SPMIP3: variants seen among roughly 807,000 people sequenced by gnomAD.
The protein encoded by SPMIP3 is protein SPMIP3.
chr1:244,353,337 G>A, the SPMIP3 span, among the ~76,000 whole-genome samples: 1 of 152,140 alleles, frequency 6.6e-6, no homozygotes, highest in Admixed American at 6.5e-5. Context: ...TTGAGCCCAG[G>A]AGTTTGAGAC....
At chr1:244,360,535 CACACACACACACACACACACACATGCAT>C in the SPMIP3 span, among the ~76,000 whole-genome samples, 17 of 63,026 alleles carry the variant, frequency 2.7e-4, no homozygotes, top group African/African-American at 7.9e-4. Context: ...CACACACACA[CACACACACACACACACACACACATGCAT>C]GCATGGAATA....
chr1:244,359,728 A>T, the SPMIP3 span, among the ~76,000 whole-genome samples: 2 of 151,962 alleles, frequency 1.3e-5, no homozygotes, highest in South Asian at 2.1e-4. Context: ...CACCTCAAAA[A>T]AATTAATTAA....
At chr1:244,368,081 C>T in the SPMIP3 span, among the ~76,000 whole-genome samples, 1 of 152,110 alleles carries the variant, frequency 6.6e-6, no homozygotes, top group Non-Finnish European at 1.5e-5. Context: ...ATGCCTCAGC[C>T]TCTCGAGTGC....
chr1:244,384,347 GCA>G, the SPMIP3 span, among the ~76,000 whole-genome samples: 2 of 152,072 alleles, frequency 1.3e-5, no homozygotes, highest in African/African-American at 4.8e-5. Flanking sequence ...GGGACTACAG[GCA>G]TGAGCCACCA....
At chr1:244,367,439 A>G in the SPMIP3 span, among the ~76,000 whole-genome samples, 1 of 152,096 alleles carries the variant, frequency 6.6e-6, no homozygotes, top group South Asian at 2.1e-4. Context: ...GTCCCATGGG[A>G]GATCCAGCCT....
At chr1:244,353,162 A>C in the SPMIP3 span, among the ~76,000 whole-genome samples, 5 of 152,220 alleles carry the variant, frequency 3.3e-5, no homozygotes, top group South Asian at 2.1e-4. Context: ...GGAGAAGGAC[A>C]AAGAGAGTGA....
chr1:244,376,226 C>T, the SPMIP3 span, among the ~76,000 whole-genome samples: 1 of 152,050 alleles, frequency 6.6e-6, no homozygotes, highest in Non-Finnish European at 1.5e-5. Flanking sequence ...TTTTTCTGAA[C>T]GTCAGGCACA....
chr1:244,364,223 G>A, the SPMIP3 span, among the ~76,000 whole-genome samples: 1 of 151,944 alleles, frequency 6.6e-6, no homozygotes, highest in South Asian at 2.1e-4. Context: ...TCCTGGCTCA[G>A]CCTCCCAAAC....
chr1:244,381,865 A>G, the SPMIP3 span, among the ~76,000 whole-genome samples: 1 of 152,326 alleles, frequency 6.6e-6, no homozygotes, highest in South Asian at 2.1e-4. Context: ...CAGGAGGTGG[A>G]AGTTGCAGTG....
At chr1:244,379,423 C>T in the SPMIP3 span, among the ~76,000 whole-genome samples, 18 of 151,890 alleles carry the variant, frequency 1.2e-4, no homozygotes, top group Non-Finnish European at 2.4e-4. Flanking sequence ...CCAGGCTGGC[C>T]TCAAACTCCT....
the SPMIP3 span, among the ~76,000 whole-genome samples, chr1:244,388,129 A>G: frequency 6.6e-6 from 1 of 151,680 alleles, no homozygotes; most frequent in African/African-American, 2.4e-5. Flanking sequence ...GGGTTTCACC[A>G]TGTTGCCCAG....
the SPMIP3 span, among the ~76,000 whole-genome samples, chr1:244,374,518 C>T: frequency 0.02 from 2,965 of 148,914 alleles, 97 homozygotes; most frequent in African/African-American, 0.069. Flanking sequence ...TCCCACATTT[C>T]TTTTATTATT....
chr1:244,359,728 AAATT>A, the SPMIP3 span, among the ~76,000 whole-genome samples: 10 of 151,960 alleles, frequency 6.6e-5, no homozygotes, highest in African/African-American at 1.9e-4. Context: ...CACCTCAAAA[AAATT>A]AATTAATTAA....
chr1:244,372,047 T>C, the SPMIP3 span, among the ~76,000 whole-genome samples: 1 of 152,214 alleles, frequency 6.6e-6, no homozygotes, highest in East Asian at 1.9e-4. Context: ...TTGCCTTTCA[T>C]GCTAGACAGT....
chr1:244,369,708 A>G, the SPMIP3 span, among the ~76,000 whole-genome samples: 15 of 152,160 alleles, frequency 9.9e-5, no homozygotes, highest in African/African-American at 3.6e-4. Flanking sequence ...CATTTGCATA[A>G]CGTGAGAAGA....
At chr1:244,388,116 A>G in the SPMIP3 span, among the ~76,000 whole-genome samples, 33 of 151,224 alleles carry the variant, frequency 2.2e-4, no homozygotes, top group Middle Eastern at 3.4e-3. Context: ...TTTAGTAGAG[A>G]TGGGGTTTCA....
chr1:244,373,887 G>A, the SPMIP3 span, among the ~76,000 whole-genome samples: 11 of 152,148 alleles, frequency 7.2e-5, no homozygotes, highest in South Asian at 2.1e-3. Context: ...GCCAAGGTGG[G>A]CGGATCACTT....
chr1:244,385,459 C>G, the SPMIP3 span, among the ~76,000 whole-genome samples: 3 of 152,112 alleles, frequency 2.0e-5, no homozygotes, highest in African/African-American at 7.2e-5. Flanking sequence ...GAATTCATAG[C>G]CTGGGAGGAT....
the SPMIP3 span, among the ~76,000 whole-genome samples, chr1:244,354,416 G>A: frequency 1.2e-4 from 18 of 147,502 alleles, no homozygotes; most frequent in African/African-American, 4.5e-4. Flanking sequence ...GAGTGCAATG[G>A]CATAATCTTG....
Sources: gnomAD v4.1 joint callset for allele counts (sites outside exome capture counted in the v4.1 genomes callset) on GRCh38, gnomAD v4.1.1 for gene constraint, MANE v1.5 for transcripts, NCBI Gene and HGNC (gene_info 2026-07-23, HGNC 2026-07-21) for gene names.